The following SORCS2 variants were observed in gnomAD, a reference collection of about 807,000 sequenced individuals.
SORCS2 encodes the protein VPS10 domain-containing receptor SorCS2.
A neutral mutation model predicts 141.6 loss-of-function variants in SORCS2; 100 were observed. The observed-to-expected ratio is 0.71, with a 90% CI of 0.60 to 0.83. The LOEUF is 0.83. SORCS2 is among the 40% of genes least tolerant of loss of function. The pLI, the probability that SORCS2 is intolerant of heterozygous loss-of-function variation, is 0.00. For missense variants in SORCS2, 1,646 were observed against 1,560.2 expected, an observed-to-expected ratio of 1.05 and a Z score of -0.93; for synonymous variants, 789 against 676.9, an observed-to-expected ratio of 1.17 and a Z score of -2.57.
chr4:7,445,231 C>G (rs1294839475), intron 2 of SORCS2, among the ~76,000 whole-genome samples: 1 of 152,198 alleles, frequency 6.6e-6, no homozygotes, highest in Admixed American at 6.5e-5. Flanking sequence ...GCAACAGATA[C>G]TTGGGACTTG....
intron 2 of SORCS2, among the ~76,000 whole-genome samples, chr4:7,415,171 G>A (rs1364049197): frequency 1.3e-5 from 2 of 152,196 alleles, no homozygotes; most frequent in Non-Finnish European, 2.9e-5. Flanking sequence ...AGGATGTCCT[G>A]TTTTCCATGG....
intron 2 of SORCS2, among the ~76,000 whole-genome samples, chr4:7,420,453 T>C (rs1467126829): frequency 2.0e-5 from 3 of 152,144 alleles, no homozygotes; most frequent in Admixed American, 2.0e-4. Flanking sequence ...TCAGAGAGTG[T>C]CCAGGGCTCA....
intron 2 of SORCS2, among the ~76,000 whole-genome samples, chr4:7,453,430 T>G: frequency 1.0e-5 from 1 of 99,584 alleles, no homozygotes; most frequent in Non-Finnish European, 2.0e-5. Context: ...AGCTGTGTGT[T>G]GGGGTCAGGT....
intron 1 of SORCS2, among the ~76,000 whole-genome samples, chr4:7,299,005 C>T (rs1039522756): frequency 2.0e-5 from 3 of 152,354 alleles, no homozygotes; most frequent in African/African-American, 4.8e-5. Context: ...GGGGCATTAG[C>T]GGGAGGCCTC....
intron 1 of SORCS2, among the ~76,000 whole-genome samples, chr4:7,219,193 C>T (rs1327700772): frequency 9.1e-6 from 1 of 110,236 alleles, no homozygotes; most frequent in Admixed American, 8.5e-5. Context: ...TGTGTCTGTT[C>T]ATGTCTATGA....
chr4:7,516,583 G>A (rs1017133445), intron 2 of SORCS2, among the ~76,000 whole-genome samples: 39 of 152,132 alleles, frequency 2.6e-4, no homozygotes, highest in African/African-American at 8.7e-4. Flanking sequence ...GGGTGGGGGC[G>A]GTGCTGCTTT....
At chr4:7,244,163 C>A (rs1279330128) in intron 1 of SORCS2, among the ~76,000 whole-genome samples, 1 of 152,214 alleles carries the variant, frequency 6.6e-6, no homozygotes, top group Non-Finnish European at 1.5e-5. Context: ...GGGCTGTGCT[C>A]CTCCCAGCCT....
intron 1 of SORCS2, among the ~76,000 whole-genome samples, chr4:7,365,358 G>A (rs890622907): frequency 6.6e-6 from 1 of 152,118 alleles, no homozygotes; most frequent in South Asian, 2.1e-4. Context: ...CATGTGGGTG[G>A]GGAAGGGGTG....
intron 9 of SORCS2, among the ~76,000 whole-genome samples, chr4:7,677,900 AG>A (rs1723269703): frequency 6.6e-6 from 1 of 152,012 alleles, no homozygotes; most frequent in African/African-American, 2.4e-5. Context: ...AGCCTCTAGG[AG>A]GGGACTAGTT....
Position 7,398,263 on chromosome 4 carries a change from G to C in SORCS2, c.548+1908G>C, listed in dbSNP as rs192456382. Among the ~76,000 whole-genome samples, 399 of 152,292 alleles carry C rather than the reference G, an allele frequency of 2.6e-3. 2 individuals carry two copies. The highest frequency in any genetic ancestry group is 4.9e-3 in the Non-Finnish European group (333 of 68,016). On this transcript the variant is annotated intron_variant, in intron 2 of 26. Coordinates refer to ENST00000507866, the MANE Select transcript of SORCS2 (RefSeq NM_020777.3). ...CCTCAGAAGCAGGTGGCAGCAGAGA[G>C]GCCAAACCACCCACTCACAGCTGCT... is the stretch of plus-strand genomic sequence containing the variant.
chr4:7,324,761 G>A (rs1222464342), intron 1 of SORCS2, among the ~76,000 whole-genome samples: 17 of 152,344 alleles, frequency 1.1e-4, no homozygotes, highest in Non-Finnish European at 1.8e-4. Flanking sequence ...GAAAGTGTGG[G>A]TGTGAGGTGG....
At chr4:7,522,196 G>T (rs368379576) in intron 2 of SORCS2, among the ~76,000 whole-genome samples, 1 of 152,198 alleles carries the variant, frequency 6.6e-6, no homozygotes, top group African/African-American at 2.4e-5. Flanking sequence ...TTCCGTGTTC[G>T]CAAGTGGGAG....
At chr4:7,523,050 T>C (rs1257631436) in intron 2 of SORCS2, among the ~76,000 whole-genome samples, 5 of 135,778 alleles carry the variant, frequency 3.7e-5, no homozygotes, top group African/African-American at 1.4e-4. Flanking sequence ...TCCTCCCTCC[T>C]TCCTCCCCTT....
At chr4:7,601,697 A>T (rs1717693183) in intron 3 of SORCS2, among the ~76,000 whole-genome samples, 1 of 147,224 alleles carries the variant, frequency 6.8e-6, no homozygotes, top group Admixed American at 6.8e-5. Flanking sequence ...TTTATTGATC[A>T]TTCTTGGGTG....
At chr4:7,387,532 CAT>C (rs1723469997) in intron 1 of SORCS2, among the ~76,000 whole-genome samples, 1 of 140,682 alleles carries the variant, frequency 7.1e-6, no homozygotes, top group African/African-American at 2.8e-5. Flanking sequence ...CATATGCACA[CAT>C]GCACACACAT....
chr4:7,709,231 CCT>C, intron 14 of SORCS2, among the ~76,000 whole-genome samples: 1 of 152,338 alleles, frequency 6.6e-6, no homozygotes. Context: ...GGCCCTTACT[CCT>C]CACACAGAGG....
intron 1 of SORCS2, among the ~76,000 whole-genome samples, chr4:7,216,117 A>C (rs377570726): frequency 6.6e-6 from 1 of 152,298 alleles, no homozygotes. Flanking sequence ...AGCCAGAGAG[A>C]CCACGAGCCC....
intron 2 of SORCS2, among the ~76,000 whole-genome samples, chr4:7,423,880 C>A (rs1024121156): frequency 6.6e-6 from 1 of 152,198 alleles, no homozygotes; most frequent in African/African-American, 2.4e-5. Flanking sequence ...TGTAAGTTCT[C>A]CCACCGTGGC....
At chr4:7,607,672 C>G (rs933885151) in intron 3 of SORCS2, among the ~76,000 whole-genome samples, 2 of 152,198 alleles carry the variant, frequency 1.3e-5, no homozygotes, top group African/African-American at 4.8e-5. Flanking sequence ...AGAATCCTGC[C>G]AAGTCTTTCT....
Sources: gnomAD v4.1 joint callset for allele counts (sites outside exome capture counted in the v4.1 genomes callset) on GRCh38, gnomAD v4.1.1 for gene constraint, MANE v1.5 for transcripts, NCBI Gene and HGNC (gene_info 2026-07-23, HGNC 2026-07-21) for gene names.